Variants in BMPER observed in about 807,000 individuals in gnomAD.
BMPER encodes BMP binding endothelial regulator, also known as BMP-binding endothelial regulator protein.
BMPER carries 45 observed loss-of-function variants against 87.3 expected under a neutral mutation model. The observed-to-expected ratio is 0.52, with a 90% CI of 0.41 to 0.66. BMPER has a LOEUF of 0.66. BMPER is among the 30% of genes least tolerant of loss of function. BMPER has a pLI of 0.00. For missense variants in BMPER, 784 were observed against 867.5 expected (o/e 0.90, Z 1.21); for synonymous variants, 326 against 316.2 (o/e 1.03, Z -0.33).
At chr7:34,068,964 T>C (rs1788665883) in intron 11 of BMPER, among the ~76,000 whole-genome samples, 1 of 152,244 alleles carries the variant, frequency 6.6e-6, no homozygotes, top group Admixed American at 6.5e-5. Flanking sequence ...CCCTGGATTT[T>C]TGCTTGGGAA....
chr7:33,946,726 G>T (rs563297960), intron 3 of BMPER, among the ~76,000 whole-genome samples: 3 of 152,326 alleles, frequency 2.0e-5, no homozygotes, highest in South Asian at 2.1e-4. Flanking sequence ...CTCCGAAAAA[G>T]ATGCTGATAT....
At chr7:33,969,843 T>A (rs1785493659) in intron 4 of BMPER, among the ~76,000 whole-genome samples, 1 of 152,340 alleles carries the variant, frequency 6.6e-6, no homozygotes, top group South Asian at 2.1e-4. Flanking sequence ...ATTTCTAAGA[T>A]TGCAGAGCTG....
intron 3 of BMPER, among the ~76,000 whole-genome samples, chr7:33,963,375 A>G (rs1785318551): frequency 6.6e-6 from 1 of 152,220 alleles, no homozygotes; most frequent in East Asian, 1.9e-4. Flanking sequence ...TTGGTAGTGT[A>G]TTCTGTGCCT....
intron 13 of BMPER, among the ~76,000 whole-genome samples, chr7:34,136,761 A>G (rs896242652): frequency 1.1e-4 from 17 of 152,354 alleles, no homozygotes; most frequent in African/African-American, 4.1e-4. Flanking sequence ...ATTGACAAAC[A>G]TTGTCCAGCT....
chr7:34,107,108 A>T (rs997942793), intron 13 of BMPER, among the ~76,000 whole-genome samples: 2 of 152,136 alleles, frequency 1.3e-5, no homozygotes, highest in African/African-American at 4.8e-5. Context: ...TCTTTGGCTT[A>T]TTTCCCATCC....
intron 5 of BMPER, 66 bp downstream of exon 5, chr7:33,970,485 C>A: frequency 1.3e-6 from 2 of 1,505,898 alleles, no homozygotes; most frequent in Non-Finnish European, 1.8e-6. Context: ...ATGAATCTCC[C>A]AACCCCTCTT....
Position 34,016,686 on chromosome 7 carries a change from A to G in BMPER, c.577-29620A>G, listed in dbSNP as rs187474689. On this transcript the variant is annotated intron_variant, in intron 6 of 14. Coordinates refer to ENST00000649409, the MANE Select transcript of BMPER (RefSeq NM_001365308.1). Reference sequence around the variant, plus strand: ...TATTGGATGTTAAGTTGTTCATAATATATCAACCACTGTGGTTCCTAATTT... The same window carrying G: ...TATTGGATGTTAAGTTGTTCATAATGTATCAACCACTGTGGTTCCTAATTT... Among the ~76,000 whole-genome samples the G allele has an allele frequency of 1.4e-3, 214 of 152,122 alleles. 1 individual carries two copies. Among genetic ancestry groups the G allele is most frequent in the African/African-American group, 4.2e-3 (173 of 41,544 alleles).
chr7:34,091,559 C>T (rs1789380609), intron 13 of BMPER, among the ~76,000 whole-genome samples: 1 of 152,184 alleles, frequency 6.6e-6, no homozygotes, highest in Admixed American at 6.5e-5. Context: ...ACATTTCAGT[C>T]CTTAAAAGTC....
intron 9 of BMPER, 85 bp from the exon 10 acceptor site, chr7:34,057,974 T>C: frequency 8.1e-7 from 1 of 1,233,718 alleles, no homozygotes; most frequent in Non-Finnish European, 1.2e-6. Context: ...CAAGAAATGC[T>C]TTCCTCCATG....
intron 3 of BMPER, among the ~76,000 whole-genome samples, chr7:33,957,545 A>G (rs1426737799): frequency 6.6e-6 from 1 of 152,124 alleles, no homozygotes; most frequent in Non-Finnish European, 1.5e-5. Flanking sequence ...ACAAGAATGT[A>G]CACGTAATAA....
intron 13 of BMPER, among the ~76,000 whole-genome samples, chr7:34,088,952 G>T (rs948701147): frequency 1.3e-5 from 2 of 152,068 alleles, no homozygotes; most frequent in African/African-American, 4.8e-5. Flanking sequence ...CATTGCAATC[G>T]TTTAAAAAAC....
Position 34,153,409 on chromosome 7 carries a change from TAG to T in BMPER, c.*138_*139del. ...CAGAGTATATATGTGTATATATATATAGATATATTCAAAAACATTGCATCATT... is the reference window on the plus strand; with the variant it reads ...CAGAGTATATATGTGTATATATATATATATATTCAAAAACATTGCATCATT... On this transcript the variant is annotated 3_prime_UTR_variant, in exon 15 of 15. Coordinates refer to ENST00000649409, the MANE Select transcript of BMPER (RefSeq NM_001365308.1). 6.2e-6 allele frequency: 5 copies of T among 808,456 alleles called. No homozygotes were observed. The highest frequency in any genetic ancestry group is 1.7e-5 in the South Asian group (1 of 60,136). 50.1% of individuals were successfully genotyped at this position (808,456 alleles called of 1,614,324 possible).
intron 8 of BMPER, among the ~76,000 whole-genome samples, chr7:34,053,440 C>T (rs1351856387): frequency 6.6e-6 from 1 of 152,130 alleles, no homozygotes; most frequent in Non-Finnish European, 1.5e-5. Flanking sequence ...GGTGCCGGGG[C>T]ATTGATTCCC....
At chr7:33,942,461 C>A (rs1784792199) in intron 3 of BMPER, among the ~76,000 whole-genome samples, 1 of 152,158 alleles carries the variant, frequency 6.6e-6, no homozygotes, top group Non-Finnish European at 1.5e-5. Flanking sequence ...GGGAGACAGA[C>A]CCAGGTGGTC....
At chr7:34,045,039 T>C (rs1787924529) in intron 6 of BMPER, among the ~76,000 whole-genome samples, 1 of 152,050 alleles carries the variant, frequency 6.6e-6, no homozygotes, top group African/African-American at 2.4e-5. Context: ...CCACAGCTCT[T>C]TGAGCTGTGA....
intron 13 of BMPER, among the ~76,000 whole-genome samples, chr7:34,140,242 C>A (rs1275910061): frequency 6.6e-6 from 1 of 152,226 alleles, no homozygotes; most frequent in Non-Finnish European, 1.5e-5. Context: ...CTGAAAAACA[C>A]TCTGTGTAAA....
intron 2 of BMPER, among the ~76,000 whole-genome samples, chr7:33,920,001 C>G (rs984495585): frequency 1.3e-5 from 2 of 151,682 alleles, no homozygotes; most frequent in African/African-American, 2.4e-5. Flanking sequence ...TGGAAACTAC[C>G]CTCTATCATT....
intron 2 of BMPER, among the ~76,000 whole-genome samples, chr7:33,910,967 A>G (rs2128601527): frequency 6.6e-6 from 1 of 152,320 alleles, no homozygotes; most frequent in South Asian, 2.1e-4. Context: ...ATAACATTGC[A>G]TGAGGATTCA....
intron 6 of BMPER, among the ~76,000 whole-genome samples, chr7:34,018,812 T>A (rs1450743432): frequency 6.6e-5 from 10 of 151,646 alleles, no homozygotes; most frequent in Non-Finnish European, 2.9e-5. Flanking sequence ...GGAGATAAAA[T>A]CACAAAACAA....
Sources: gnomAD v4.1 joint callset for allele counts (sites outside exome capture counted in the v4.1 genomes callset) on GRCh38, gnomAD v4.1.1 for gene constraint, MANE v1.5 for transcripts, NCBI Gene and HGNC (gene_info 2026-07-23, HGNC 2026-07-21) for gene names.